The following UNC13C variants were observed in gnomAD, a reference collection of about 807,000 sequenced individuals.
The protein encoded by UNC13C is protein unc-13 homolog C.
Under a neutral mutation model 245.4 loss-of-function variants are expected in UNC13C, and 174 were observed. The observed-to-expected ratio is 0.71, with a 90% CI of 0.63 to 0.80. The LOEUF is 0.80. Among genes scored for constraint, UNC13C ranks in the 30% least tolerant of loss-of-function variants. The pLI is 0.00. For synonymous variants in UNC13C, 992 were observed against 895.1 expected (o/e 1.11, Z -1.93); for missense variants, 2,829 against 2,602.9 (o/e 1.09, Z -1.89).
At chr15:54,414,414 A>G (rs1234114711) in intron 18 of UNC13C, among the ~76,000 whole-genome samples, 1 of 152,154 alleles carries the variant, frequency 6.6e-6, no homozygotes, top group African/African-American at 2.4e-5. Flanking sequence ...TGGGAGGCCA[A>G]GGTGGTTGAA....
intron 30 of UNC13C, among the ~76,000 whole-genome samples, chr15:54,601,536 G>T (rs958878204): frequency 1.3e-5 from 2 of 152,174 alleles, no homozygotes; most frequent in Non-Finnish European, 2.9e-5. Flanking sequence ...TGTAGAAATT[G>T]TCTTACTTGA....
At chr15:53,971,771 T>A in the UNC13C span, among the ~76,000 whole-genome samples, 2 of 152,160 alleles carry the variant, frequency 1.3e-5, no homozygotes, top group Non-Finnish European at 2.9e-5. Context: ...CAGATACTGT[T>A]CCCTTCTAGC....
chr15:54,352,553 C>G lies in UNC13C; in HGVS notation c.4713+14064C>G, dbSNP rs16974546. 4.3e-3 allele frequency among the ~76,000 whole-genome samples: 654 copies of G among 151,630 alleles called. 38 individuals carry two copies. In the East Asian group the frequency reaches 0.096, roughly 22 times the overall value. The stretch of plus-strand genomic sequence containing the variant: ...CATGTTTCTTCTAAAGTTCCTGATT[C>G]GTCAGAACAGTGTCAAACAGAAGGC... On this transcript the variant is annotated intron_variant, in intron 17 of 32. Coordinates refer to ENST00000260323, the MANE Select transcript of UNC13C (RefSeq NM_001080534.3).
chr15:54,619,473 C>A (rs905412910), intron 30 of UNC13C, among the ~76,000 whole-genome samples: 2 of 152,108 alleles, frequency 1.3e-5, no homozygotes, highest in Non-Finnish European at 2.9e-5. Context: ...TTTGTAACTG[C>A]GAAACAAAGT....
At chr15:54,587,069 TTTCC>T (rs1898532247) in intron 30 of UNC13C, among the ~76,000 whole-genome samples, 1 of 152,240 alleles carries the variant, frequency 6.6e-6, no homozygotes, top group Non-Finnish European at 1.5e-5. Context: ...AGATAATGTT[TTTCC>T]TTCCATCACT....
intron 30 of UNC13C, among the ~76,000 whole-genome samples, chr15:54,602,415 A>C (rs1899489749): frequency 6.6e-6 from 1 of 152,186 alleles, no homozygotes; most frequent in South Asian, 2.1e-4. Flanking sequence ...CTTTCATGGA[A>C]GTGAGAAACA....
intron 30 of UNC13C, among the ~76,000 whole-genome samples, chr15:54,620,473 G>A (rs930787323): frequency 6.6e-6 from 1 of 152,110 alleles, no homozygotes; most frequent in Non-Finnish European, 1.5e-5. Context: ...GTTATGGCCA[G>A]GTGCAGTACT....
At chr15:54,057,172 A>G (rs1019371149) in intron 2 of UNC13C, among the ~76,000 whole-genome samples, 36 of 152,174 alleles carry the variant, frequency 2.4e-4, no homozygotes, top group African/African-American at 8.0e-4. Context: ...TGGCAAATTG[A>G]TTAAAGAGTC....
chr15:53,854,698 C>G, the UNC13C span, among the ~76,000 whole-genome samples: 1 of 152,058 alleles, frequency 6.6e-6, no homozygotes, highest in Non-Finnish European at 1.5e-5. Flanking sequence ...GTTACTGTAG[C>G]CTTGTGATAT....
intron 31 of UNC13C, 21 bp from the exon 32 acceptor site, chr15:54,623,774 G>A (rs376881341): frequency 6.9e-6 from 11 of 1,600,520 alleles, no homozygotes; most frequent in Non-Finnish European, 9.4e-6. Flanking sequence ...TTGCTAAAAT[G>A]TGATATTTCC....
chr15:53,964,675 GA>G, the UNC13C span, among the ~76,000 whole-genome samples: 1 of 152,102 alleles, frequency 6.6e-6, no homozygotes, highest in East Asian at 1.9e-4. Flanking sequence ...ACCCGAGCCA[GA>G]AATCTATCCA....
Position 54,013,388 on chromosome 15 carries a change from CCT to C in UNC13C, c.488_489del (p.Ser163Ter). 1 of 1,613,774 alleles carries C rather than the reference CCT, an allele frequency of 6.2e-7. No homozygotes were observed. Among genetic ancestry groups the C allele is most frequent in the Non-Finnish European group, 8.5e-7 (1 of 1,179,838 alleles). On this transcript the variant is annotated frameshift_variant, in exon 2 of 33. Coordinates refer to ENST00000260323, the MANE Select transcript of UNC13C (RefSeq NM_001080534.3). LOFTEE classifies it high-confidence loss of function. ...AGAAAGAGTTCAAGCAGCCTTGCAC[CCT>C]CTGAGGGCAGCTCTGACGGGGAGCG...
chr15:54,573,057 T>C (rs1387175189), intron 30 of UNC13C, among the ~76,000 whole-genome samples: 1 of 152,174 alleles, frequency 6.6e-6, no homozygotes, highest in Non-Finnish European at 1.5e-5. Context: ...TTTTCAGGCT[T>C]TAAGACATAC....
chr15:54,175,548 TG>T (rs1240074402), intron 4 of UNC13C, among the ~76,000 whole-genome samples: 7 of 139,610 alleles, frequency 5.0e-5, no homozygotes, highest in African/African-American at 1.9e-4. Flanking sequence ...AGTCTCGCAC[TG>T]TAGCCCAGGC....
downstream of UNC13C, chr15:54,630,237 C>T (rs554135721): frequency 1.3e-5 from 2 of 152,096 alleles, no homozygotes; most frequent in African/African-American, 4.8e-5. Flanking sequence ...ATTTGCTATT[C>T]GAAGGAATTT....
chr15:54,083,483 G>T (rs1448214269), intron 2 of UNC13C, among the ~76,000 whole-genome samples: 1 of 152,118 alleles, frequency 6.6e-6, no homozygotes, highest in African/African-American at 2.4e-5. Context: ...CACTTTCTGC[G>T]CCAAGAAAAA....
chr15:54,309,178 C>T (rs2037804770), intron 13 of UNC13C, among the ~76,000 whole-genome samples: 1 of 151,586 alleles, frequency 6.6e-6, no homozygotes, highest in African/African-American at 2.4e-5. Context: ...TATCTTTTAC[C>T]TTTTTTGGTA....
the UNC13C span, among the ~76,000 whole-genome samples, chr15:53,907,821 T>C: frequency 1.6e-5 from 2 of 122,498 alleles, 1 homozygote; most frequent in South Asian, 5.8e-4. Context: ...TTAACATAAA[T>C]GATGCTACTT....
chr15:54,046,595 T>G (rs1004020568), intron 2 of UNC13C, among the ~76,000 whole-genome samples: 19 of 152,074 alleles, frequency 1.2e-4, no homozygotes, highest in Non-Finnish European at 1.9e-4. Flanking sequence ...ACTTTAAAAA[T>G]ATTTTTATAT....
Sources: allele counts gnomAD v4.1 joint callset (sites outside exome capture counted in the v4.1 genomes callset), GRCh38; gene constraint gnomAD v4.1.1; transcripts MANE v1.5; gene names NCBI Gene and HGNC (gene_info 2026-07-23, HGNC 2026-07-21).